Variants in FHIT observed in about 807,000 individuals in gnomAD.
FHIT encodes bis(5'-adenosyl)-triphosphatase.
A neutral mutation model predicts 17.9 loss-of-function variants in FHIT; 19 were observed. The observed-to-expected ratio is 1.06, with a 90% CI of 0.74 to 1.56. FHIT has a LOEUF of 1.56. FHIT is among the 40% of genes most tolerant of loss of function. FHIT has a pLI of 0.00. For synonymous variants in FHIT, 81 were observed against 69.7 expected (o/e 1.16, Z -0.81); for missense variants, 248 against 189.2 (o/e 1.31, Z -1.82).
intron 3 of FHIT, among the ~76,000 whole-genome samples, chr3:60,865,759 C>A (rs1371281398): frequency 7.2e-5 from 11 of 152,084 alleles, no homozygotes; most frequent in Admixed American, 4.6e-4. Context: ...GGGGCTGTGA[C>A]AAGGCTGAAG....
chr3:61,030,369 G>T (rs537764921), intron 3 of FHIT, among the ~76,000 whole-genome samples: 2 of 152,324 alleles, frequency 1.3e-5, no homozygotes, highest in East Asian at 3.9e-4. Flanking sequence ...ACGTTTGCGA[G>T]ATCTGCAGTG....
At chr3:60,673,464 A>G (rs556731102) in intron 4 of FHIT, among the ~76,000 whole-genome samples, 60 of 152,062 alleles carry the variant, frequency 3.9e-4, no homozygotes, top group African/African-American at 9.9e-4. Flanking sequence ...GAGCTGACCA[A>G]TGAGAACACA....
At chr3:61,199,557 T>C (rs2038955444) in intron 2 of FHIT, among the ~76,000 whole-genome samples, 1 of 152,192 alleles carries the variant, frequency 6.6e-6, no homozygotes, top group African/African-American at 2.4e-5. Flanking sequence ...TTATAACTCA[T>C]ATTTTTATTA....
intron 8 of FHIT, among the ~76,000 whole-genome samples, chr3:59,835,010 G>C (rs767107186): frequency 1.2e-4 from 18 of 152,116 alleles, no homozygotes; most frequent in Non-Finnish European, 2.4e-4. Context: ...TGATTGACCT[G>C]ATTTTATGTA....
At chr3:60,156,141 C>G (rs1700679030) in intron 5 of FHIT, among the ~76,000 whole-genome samples, 1 of 151,822 alleles carries the variant, frequency 6.6e-6, no homozygotes, top group Non-Finnish European at 1.5e-5. Flanking sequence ...ATCATGACGT[C>G]AGGAGTTGGA....
chr3:60,613,126 T>C (rs1308295098), intron 4 of FHIT, among the ~76,000 whole-genome samples: 1 of 152,194 alleles, frequency 6.6e-6, no homozygotes, highest in South Asian at 2.1e-4. Context: ...TTTTCATCAC[T>C]CTAATGCTTG....
intron 3 of FHIT, among the ~76,000 whole-genome samples, chr3:60,998,790 A>G (rs1474743175): frequency 1.3e-5 from 2 of 152,142 alleles, no homozygotes; most frequent in African/African-American, 2.4e-5. Flanking sequence ...CATTTACTGC[A>G]TACAGTCAAA....
At chr3:60,902,380 T>G (rs1367319712) in intron 3 of FHIT, among the ~76,000 whole-genome samples, 1 of 152,224 alleles carries the variant, frequency 6.6e-6, no homozygotes, top group Non-Finnish European at 1.5e-5. Flanking sequence ...ATACCACAGT[T>G]TATTTATCCA....
At chr3:60,126,687 C>T (rs570784362) in intron 5 of FHIT, among the ~76,000 whole-genome samples, 39 of 152,294 alleles carry the variant, frequency 2.6e-4, no homozygotes, top group African/African-American at 8.7e-4. Flanking sequence ...CCACAGCACA[C>T]GCTCATAAAT....
chr3:60,099,409 T>C (rs1231353842), intron 5 of FHIT, among the ~76,000 whole-genome samples: 1 of 152,146 alleles, frequency 6.6e-6, no homozygotes, highest in Non-Finnish European at 1.5e-5. Flanking sequence ...ATAATCCTCA[T>C]TTCATAGATG....
At chr3:59,812,505 G>A (rs888509906) in intron 8 of FHIT, among the ~76,000 whole-genome samples, 10 of 152,144 alleles carry the variant, frequency 6.6e-5, no homozygotes, top group African/African-American at 2.4e-4. Context: ...GAGCTCATGT[G>A]CCATGGCAAA....
chr3:61,215,766 A>G (rs1388560485), intron 1 of FHIT, among the ~76,000 whole-genome samples: 1 of 152,248 alleles, frequency 6.6e-6, no homozygotes, highest in East Asian at 1.9e-4. Context: ...TACAGTAACC[A>G]AAACAGCATG....
intron 5 of FHIT, among the ~76,000 whole-genome samples, chr3:60,389,342 C>G (rs929489604): frequency 6.6e-6 from 1 of 152,098 alleles, no homozygotes; most frequent in African/African-American, 2.4e-5. Flanking sequence ...GGTAACGGTG[C>G]CTTTGAACAC....
At chr3:60,716,116 T>C (rs902642884) in intron 4 of FHIT, among the ~76,000 whole-genome samples, 5 of 151,992 alleles carry the variant, frequency 3.3e-5, no homozygotes, top group Non-Finnish European at 7.4e-5. Flanking sequence ...TGGTGGTGCA[T>C]GCCTGTAATC....
chr3:60,198,354 T>C (rs537147343), intron 5 of FHIT, among the ~76,000 whole-genome samples: 1 of 152,306 alleles, frequency 6.6e-6, no homozygotes, highest in Admixed American at 6.5e-5. Flanking sequence ...ACTTTTAAAT[T>C]TCATTTTAAG....
chr3:60,774,616 A>G (rs1382353583), intron 4 of FHIT, among the ~76,000 whole-genome samples: 3 of 152,182 alleles, frequency 2.0e-5, no homozygotes, highest in African/African-American at 4.8e-5. Context: ...TAATTTATAA[A>G]TTAGGCACAG....
At chr3:60,897,196 C>G (rs376750540) in intron 3 of FHIT, among the ~76,000 whole-genome samples, 1 of 152,176 alleles carries the variant, frequency 6.6e-6, no homozygotes, top group African/African-American at 2.4e-5. Context: ...ACAATCTCCT[C>G]ATTACAACAT....
intron 5 of FHIT, among the ~76,000 whole-genome samples, chr3:60,372,631 C>T (rs1318780839): frequency 6.6e-6 from 1 of 152,194 alleles, no homozygotes; most frequent in Non-Finnish European, 1.5e-5. Context: ...CTCTTTACTT[C>T]CTGATGGCAA....
intron 5 of FHIT, among the ~76,000 whole-genome samples, chr3:60,334,814 A>C (rs1168420851): frequency 6.6e-6 from 1 of 152,240 alleles, no homozygotes; most frequent in African/African-American, 2.4e-5. Flanking sequence ...AAAACCAACA[A>C]ACAAAAAAAC....
Sources: allele counts gnomAD v4.1 joint callset (sites outside exome capture counted in the v4.1 genomes callset), GRCh38; gene constraint gnomAD v4.1.1; transcripts MANE v1.5; gene names NCBI Gene and HGNC (gene_info 2026-07-23, HGNC 2026-07-21).